TNNI3K: variants seen among roughly 807,000 people sequenced by gnomAD.
The protein encoded by TNNI3K is serine/threonine-protein kinase TNNI3K.
In TNNI3K, 140 loss-of-function variants were observed where a neutral mutation model predicts 114.5. The observed-to-expected ratio is 1.22, with a 90% CI of 1.07 to 1.41. The LOEUF (loss-of-function observed/expected upper bound fraction) is 1.41, where lower values mean the gene tolerates loss of function less well. Among genes scored for constraint, TNNI3K ranks in the 40% most tolerant of loss-of-function variants. The pLI is 0.00. For synonymous variants in TNNI3K, 347 were observed against 347.5 expected (o/e 1.00, Z 0.02); for missense variants, 1,125 against 1,007.6 (o/e 1.12, Z -1.58).
intron 6 of TNNI3K, among the ~76,000 whole-genome samples, chr1:74,333,016 C>T (rs944122588): frequency 3.4e-5 from 5 of 146,970 alleles, no homozygotes; most frequent in African/African-American, 1.0e-4. Flanking sequence ...ACTGGATAAC[C>T]GAATATAACT....
At chr1:74,406,277 C>A (rs1362702676) in intron 17 of TNNI3K, among the ~76,000 whole-genome samples, 1 of 152,186 alleles carries the variant, frequency 6.6e-6, no homozygotes, top group African/African-American at 2.4e-5. Flanking sequence ...TGTGGCCCAA[C>A]AAAAATGTGT....
At chr1:74,351,064 A>G (rs1661309515) in intron 9 of TNNI3K, among the ~76,000 whole-genome samples, 1 of 151,414 alleles carries the variant, frequency 6.6e-6, no homozygotes, top group South Asian at 2.1e-4. Context: ...CCTAGCCTTG[A>G]TGGTCTTTAC....
At chr1:74,481,095 C>A in intron 21 of TNNI3K, 1 of 572,844 alleles carries the variant, frequency 1.7e-6, no homozygotes, top group Non-Finnish European at 3.1e-6. Context: ...ATAAACAATA[C>A]AAAAAATGAA....
intron 4 of TNNI3K, among the ~76,000 whole-genome samples, chr1:74,266,622 A>T (rs1656007002): frequency 6.6e-6 from 1 of 152,054 alleles, no homozygotes; most frequent in Non-Finnish European, 1.5e-5. Context: ...TCTTTTCTAT[A>T]CTGAAATAGA....
At chr1:74,354,847 A>G (rs1570511653) in intron 11 of TNNI3K, among the ~76,000 whole-genome samples, 1 of 152,228 alleles carries the variant, frequency 6.6e-6, no homozygotes, top group African/African-American at 2.4e-5. Context: ...ATGCTAAGTA[A>G]TTGCTATTTT....
chr1:74,335,981 A>G (rs2100424806), intron 6 of TNNI3K, 30 bp from the exon 7 acceptor site: 5 of 1,541,568 alleles, frequency 3.2e-6, no homozygotes, highest in African/African-American at 1.4e-5. Context: ...TTGAATTTTT[A>G]TACTGATTTC....
At chr1:74,475,320 C>G in intron 21 of TNNI3K, 5 of 696,718 alleles carry the variant, frequency 7.2e-6, no homozygotes, top group Non-Finnish European at 1.3e-5. Context: ...TATGGTGTTG[C>G]AGAGTTTGAG....
rs1193450134 is a variant in TNNI3K, at chr1:74,425,225, T to C, written c.1773-10855T>C. The stretch of plus-strand genomic sequence containing the variant: ...TGTTTATTCAGCTCATTTCCTCATC[T>C]TTACTGGAAAGGTGAGTTTATTGGA... On this transcript the variant is annotated intron_variant, in intron 17 of 24. Transcript: ENST00000326637. Among the ~76,000 whole-genome samples, 3 of 152,134 alleles carry C rather than the reference T, an allele frequency of 2.0e-5. No homozygotes were observed. The East Asian group carries it at 5.8e-4, about 29-fold the overall frequency.
intron 20 of TNNI3K, among the ~76,000 whole-genome samples, chr1:74,448,352 G>A (rs1666807058): frequency 6.8e-6 from 1 of 146,396 alleles, no homozygotes; most frequent in Non-Finnish European, 1.5e-5. Context: ...ATCAGCTTAA[G>A]GAGATTTTGG....
chr1:74,485,500 T>C (rs1668711198), intron 21 of TNNI3K, among the ~76,000 whole-genome samples: 1 of 152,196 alleles, frequency 6.6e-6, no homozygotes, highest in African/African-American at 2.4e-5. Context: ...TAAGCAGGAT[T>C]CTAACATGAC....
At chr1:74,516,803 C>T (rs1032690997) in intron 23 of TNNI3K, among the ~76,000 whole-genome samples, 1 of 152,176 alleles carries the variant, frequency 6.6e-6, no homozygotes, top group African/African-American at 2.4e-5. Flanking sequence ...CTTATTATAA[C>T]AAGTTAAGGC....
intron 21 of TNNI3K, chr1:74,465,022 T>C: frequency 3.6e-6 from 4 of 1,100,806 alleles, no homozygotes; most frequent in Non-Finnish European, 4.4e-6. Context: ...AGGAAAACAT[T>C]TTCTTGTATT....
At chr1:74,424,789 T>C (rs1665556029) in intron 17 of TNNI3K, among the ~76,000 whole-genome samples, 1 of 151,182 alleles carries the variant, frequency 6.6e-6, no homozygotes, top group Non-Finnish European at 1.5e-5. Flanking sequence ...CAAGATGTAA[T>C]ATCAGTAACT....
chr1:74,476,623 G>T (rs1258005531), intron 21 of TNNI3K, among the ~76,000 whole-genome samples: 1 of 152,040 alleles, frequency 6.6e-6, no homozygotes, highest in Admixed American at 6.6e-5. Context: ...TTCTGATAAT[G>T]AAATCATTGG....
intron 21 of TNNI3K, chr1:74,469,101 T>C (rs1009094205): frequency 6.6e-6 from 1 of 152,458 alleles, no homozygotes; most frequent in Non-Finnish European, 1.5e-5. Flanking sequence ...TAATAACAAT[T>C]GGCAATAAAG....
At chr1:74,495,064 C>T (rs991315810) in intron 23 of TNNI3K, among the ~76,000 whole-genome samples, 1 of 152,160 alleles carries the variant, frequency 6.6e-6, no homozygotes, top group African/African-American at 2.4e-5. Context: ...TGAAAAAACC[C>T]ATCAGCTTTT....
intron 4 of TNNI3K, among the ~76,000 whole-genome samples, chr1:74,262,216 A>G (rs888505274): frequency 1.3e-5 from 2 of 152,086 alleles, no homozygotes; most frequent in African/African-American, 2.4e-5. Flanking sequence ...TTTGGATTGG[A>G]TAATTCTTTG....
intron 17 of TNNI3K, among the ~76,000 whole-genome samples, chr1:74,402,861 TTA>T (rs1664438843): frequency 6.6e-6 from 1 of 152,178 alleles, no homozygotes; most frequent in African/African-American, 2.4e-5. Flanking sequence ...TCTTAAAACA[TTA>T]TGAGTTTTTA....
At chr1:74,507,228 C>T (rs577823875) in intron 23 of TNNI3K, among the ~76,000 whole-genome samples, 1 of 138,636 alleles carries the variant, frequency 7.2e-6, no homozygotes, top group African/African-American at 2.6e-5. Context: ...TCTTCACCCC[C>T]CCCCCATCTT....
Sources: allele counts gnomAD v4.1 joint callset (sites outside exome capture counted in the v4.1 genomes callset), GRCh38; gene constraint gnomAD v4.1.1; transcripts MANE v1.5; gene names NCBI Gene and HGNC (gene_info 2026-07-23, HGNC 2026-07-21).